Variants in DDX31 observed in about 807,000 individuals in gnomAD.
DDX31 encodes the protein ATP-dependent DNA helicase DDX31.
In DDX31, 70 loss-of-function variants were observed where a neutral mutation model predicts 91.3. The observed-to-expected ratio is 0.77, with a 90% CI of 0.63 to 0.94. The LOEUF (loss-of-function observed/expected upper bound fraction) is 0.94. DDX31 is among the 40% of genes least tolerant of loss of function. The pLI, the probability that DDX31 is intolerant of heterozygous loss-of-function variation, is 0.00. For synonymous variants in DDX31, 362 were observed against 350.6 expected (o/e 1.03, Z -0.36); for missense variants, 902 against 925.0 (o/e 0.98, Z 0.32).
intron 19 of DDX31, among the ~76,000 whole-genome samples, chr9:132,609,760 T>A (rs898149029): frequency 2.0e-5 from 3 of 152,158 alleles, no homozygotes; most frequent in African/African-American, 7.2e-5. Flanking sequence ...TAGCTGGAAT[T>A]ACAGGCGCCT....
chr9:132,603,416 C>T (rs1278739773), intron 19 of DDX31, among the ~76,000 whole-genome samples: 1 of 152,190 alleles, frequency 6.6e-6, no homozygotes, highest in African/African-American at 2.4e-5. Context: ...CCGGGATACA[C>T]ACCTTCCTGT....
chr9:132,650,067 G>A (rs1031941823), intron 9 of DDX31, among the ~76,000 whole-genome samples, 167 bp downstream of exon 9: 1 of 152,156 alleles, frequency 6.6e-6, no homozygotes, highest in Non-Finnish European at 1.5e-5. Context: ...AAACAGCACC[G>A]TCTAGAGGTG....
intron 1 of DDX31, among the ~76,000 whole-genome samples, chr9:132,665,080 GTTGTT>G (rs1835223590): frequency 1.3e-5 from 2 of 152,128 alleles, no homozygotes. Context: ...CACGGAACTC[GTTGTT>G]TTATGTCTGT....
At chr9:132,650,740 A>T (rs567778987) in intron 8 of DDX31, among the ~76,000 whole-genome samples, 2 of 152,136 alleles carry the variant, frequency 1.3e-5, no homozygotes, top group South Asian at 4.2e-4. Flanking sequence ...TGAAGCCTTC[A>T]CTCTCCTTTC....
At chr9:132,596,029 T>C (rs1036715571) in intron 19 of DDX31, among the ~76,000 whole-genome samples, 1 of 152,170 alleles carries the variant, frequency 6.6e-6, no homozygotes, top group Non-Finnish European at 1.5e-5. Context: ...CAATTACCAA[T>C]AAATCCACAC....
intron 14 of DDX31, among the ~76,000 whole-genome samples, chr9:132,640,842 T>G (rs1483556942): frequency 6.6e-6 from 1 of 152,128 alleles, no homozygotes; most frequent in Non-Finnish European, 1.5e-5. Context: ...TTATTTGGAA[T>G]TAATCTTCAC....
chr9:132,608,956 G>C (rs1831176396), intron 19 of DDX31, among the ~76,000 whole-genome samples: 1 of 152,176 alleles, frequency 6.6e-6, no homozygotes, highest in Non-Finnish European at 1.5e-5. Context: ...GTGCAGATTA[G>C]CTGCAAAGTC....
rs1339585946 is a variant in DDX31, at chr9:132,658,717, C to T, written c.542G>A (p.Cys181Tyr). The T allele has an allele frequency of 1.2e-6, 2 of 1,613,624 alleles. No individual in the cohort carries two copies. Among genetic ancestry groups the T allele is most frequent in the South Asian group, 1.1e-5 (1 of 90,998 alleles). Residue 181 changes from cysteine to tyrosine, a missense_variant, in exon 6 of 20, where the codon TGC (cysteine) becomes TAC (tyrosine). Cys to Tyr is a radical substitution (Grantham distance 194, BLOSUM62 -2). Coordinates refer to ENST00000372159, the MANE Select transcript of DDX31 (RefSeq NM_022779.9). ...TTGAAGGGACTGGACCACAGGGATG[C>T]AATAGGCAAGAGTTTTACCTTTCAA... ...QTGSGKTLAY[C>Y]IPVVQSLQAM... is the part of the protein sequence containing the mutation.
At chr9:132,615,809 G>A (rs1193690896) in intron 18 of DDX31, among the ~76,000 whole-genome samples, 2 of 152,212 alleles carry the variant, frequency 1.3e-5, no homozygotes, top group Non-Finnish European at 1.5e-5. Flanking sequence ...AGGGGTAACT[G>A]CTTCTGGAAA....
At chr9:132,596,106 T>A (rs1013853281) in intron 19 of DDX31, among the ~76,000 whole-genome samples, 1 of 152,206 alleles carries the variant, frequency 6.6e-6, no homozygotes, top group Admixed American at 6.5e-5. Flanking sequence ...GTCATGGAGT[T>A]CTCACAAAGA....
At chr9:132,597,637 G>A (rs536289008) in intron 19 of DDX31, among the ~76,000 whole-genome samples, 1 of 152,132 alleles carries the variant, frequency 6.6e-6, no homozygotes, top group Admixed American at 6.5e-5. Context: ...CTACAGAAGC[G>A]GTGCGGGCTG....
At chr9:132,669,008 G>A (rs112375695) in intron 1 of DDX31, among the ~76,000 whole-genome samples, 1 of 42,022 alleles carries the variant, frequency 2.4e-5, no homozygotes, top group Non-Finnish European at 4.2e-5. Flanking sequence ...TCTAGTTGAC[G>A]GTTGAGTTTG....
At chr9:132,603,473 G>T (rs1038464503) in intron 19 of DDX31, among the ~76,000 whole-genome samples, 1 of 152,208 alleles carries the variant, frequency 6.6e-6, no homozygotes. Context: ...GAAGAGGAGA[G>T]GAGGTAGTCG....
chr9:132,603,325 T>C (rs538651324), intron 19 of DDX31, among the ~76,000 whole-genome samples: 10 of 152,350 alleles, frequency 6.6e-5, no homozygotes, highest in Admixed American at 5.9e-4. Context: ...TGGAGATATC[T>C]GAAAAAGACT....
At chr9:132,660,335 C>CAA (rs773583376) in intron 4 of DDX31, among the ~76,000 whole-genome samples, 6 of 55,286 alleles carry the variant, frequency 1.1e-4, no homozygotes, top group Admixed American at 8.9e-4. Flanking sequence ...AACTCCGTCT[C>CAA]AAAAAAAAAA....
At chr9:132,638,488 T>C (rs1338722122) in intron 14 of DDX31, 8 of 1,324,166 alleles carry the variant, frequency 6.0e-6, no homozygotes, top group Non-Finnish European at 8.5e-6. Flanking sequence ...TGCTCATCCC[T>C]ACTTCCTACT....
chr9:132,626,202 T>C (rs2130624818), intron 16 of DDX31, among the ~76,000 whole-genome samples: 1 of 151,444 alleles, frequency 6.6e-6, no homozygotes, highest in Non-Finnish European at 1.5e-5. Flanking sequence ...TAAACACCCC[T>C]GTGAGGGTAA....
chr9:132,604,326 G>C (rs1433036519), intron 19 of DDX31, among the ~76,000 whole-genome samples: 1 of 152,184 alleles, frequency 6.6e-6, no homozygotes, highest in East Asian at 1.9e-4. Flanking sequence ...CTGGACAAGA[G>C]TTTATTCTTA....
chr9:132,622,065 A>G (rs1832064197), intron 17 of DDX31, among the ~76,000 whole-genome samples: 1 of 152,036 alleles, frequency 6.6e-6, no homozygotes, highest in African/African-American at 2.4e-5. Flanking sequence ...TCAAGGTAGG[A>G]GCTGGGGCTG....
Sources: gnomAD v4.1 joint callset for allele counts (sites outside exome capture counted in the v4.1 genomes callset) on GRCh38, gnomAD v4.1.1 for gene constraint, MANE v1.5 for transcripts, NCBI Gene and HGNC (gene_info 2026-07-23, HGNC 2026-07-21) for gene names.